The following RANBP17 variants were observed in gnomAD, a reference collection of about 807,000 sequenced individuals.
RANBP17 encodes RAN binding protein 17.
RANBP17 carries 158 observed loss-of-function variants against 141.2 expected under a neutral mutation model. The ratio of observed to expected loss-of-function variants is 1.12; its 90% confidence interval spans 0.98 to 1.28. The LOEUF (loss-of-function observed/expected upper bound fraction) is 1.28, where lower values mean the gene tolerates loss of function less well. RANBP17 is among the 50% of genes most tolerant of loss of function. The pLI is 0.00. For missense variants in RANBP17, 1,438 were observed against 1,290.7 expected, an observed-to-expected ratio of 1.11 and a Z score of -1.75; for synonymous variants, 430 against 450.0, an observed-to-expected ratio of 0.96 and a Z score of 0.56.
chr5:170,977,940 A>G (rs1490613061), intron 14 of RANBP17, among the ~76,000 whole-genome samples: 3 of 152,030 alleles, frequency 2.0e-5, no homozygotes, highest in African/African-American at 2.4e-5. Context: ...ATATCCATAG[A>G]AAAAAACACT....
chr5:170,957,107 A>ACACACACGCG (rs542213195), intron 13 of RANBP17, among the ~76,000 whole-genome samples: 5 of 150,534 alleles, frequency 3.3e-5, no homozygotes, highest in South Asian at 2.1e-4. Flanking sequence ...ACACACACAC[A>ACACACACGCG]CGCGCACACT....
Position 171,296,021 on chromosome 5 carries a change from A to G in RANBP17, c.3170+7A>G. ...CCGTCAAGAACAGAGACAGGTGAGC[A>G]TTGCCCAGTAGTGTGTCACTGGGGG... On this transcript the variant is annotated splice_region_variant and intron_variant, in intron 27 of 27. Coordinates refer to ENST00000523189, the MANE Select transcript of RANBP17 (RefSeq NM_022897.5). The G allele has an allele frequency of 1.2e-6, 2 of 1,612,690 alleles. No individual in the cohort carries two copies. Among genetic ancestry groups the G allele is most frequent in the Admixed American group, 1.7e-5 (1 of 59,960 alleles).
At chr5:170,997,128 C>G (rs1318702038) in intron 14 of RANBP17, among the ~76,000 whole-genome samples, 3 of 152,142 alleles carry the variant, frequency 2.0e-5, no homozygotes, top group African/African-American at 7.2e-5. Flanking sequence ...GTAGTTCCTG[C>G]TGCATTCATT....
intron 14 of RANBP17, among the ~76,000 whole-genome samples, chr5:171,086,166 A>G (rs1484960033): frequency 1.4e-5 from 2 of 141,110 alleles, no homozygotes; most frequent in Admixed American, 7.2e-5. Flanking sequence ...GAGAGTTTTT[A>G]GCATGAAGGG....
chr5:171,269,664 A>T (rs990303578), intron 25 of RANBP17, among the ~76,000 whole-genome samples: 1 of 152,100 alleles, frequency 6.6e-6, no homozygotes, highest in Admixed American at 6.5e-5. Flanking sequence ...TCATTTTCAC[A>T]CTCAGATGAA....
At chr5:170,933,430 C>T (rs1773573605) in intron 12 of RANBP17, among the ~76,000 whole-genome samples, 1 of 152,082 alleles carries the variant, frequency 6.6e-6, no homozygotes, top group South Asian at 2.1e-4. Context: ...CTGCTCTGAT[C>T]TTAGTTATTT....
At chr5:171,016,176 CTTTTTTT>C (rs377305717) in intron 14 of RANBP17, among the ~76,000 whole-genome samples, 1 of 109,106 alleles carries the variant, frequency 9.2e-6, no homozygotes, top group Admixed American at 9.2e-5. Context: ...GGGATCACTG[CTTTTTTT>C]TTTTTTTTTT....
At chr5:170,967,100 T>C (rs1416617960) in intron 13 of RANBP17, among the ~76,000 whole-genome samples, 2 of 152,074 alleles carry the variant, frequency 1.3e-5, no homozygotes, top group Non-Finnish European at 2.9e-5. Context: ...GTTAAGCAGC[T>C]TCAGAAGAGA....
intron 24 of RANBP17, among the ~76,000 whole-genome samples, chr5:171,245,065 C>G (rs1765132031): frequency 6.6e-6 from 1 of 151,674 alleles, no homozygotes; most frequent in Non-Finnish European, 1.5e-5. Flanking sequence ...GGAGGCGGAG[C>G]TTGCAGTGAG....
intron 14 of RANBP17, among the ~76,000 whole-genome samples, chr5:171,141,548 A>G (rs554459499): frequency 1.4e-4 from 19 of 136,760 alleles, no homozygotes; most frequent in African/African-American, 5.1e-4. Context: ...TGGAGTTTGC[A>G]GTGAGCCGAG....
At position 170,939,541 on chromosome 5, in the gene RANBP17, C is replaced by T. The variant is rs571693055; in HGVS notation, c.1469-14056C>T. 1.1e-3 allele frequency among the ~76,000 whole-genome samples: 173 copies of T among 151,950 alleles called. 1 individual carries two copies. Among genetic ancestry groups the T allele is most frequent in the African/African-American group, 3.8e-3 (158 of 41,454 alleles). On this transcript the variant is annotated intron_variant, in intron 12 of 27. Coordinates refer to ENST00000523189, the MANE Select transcript of RANBP17 (RefSeq NM_022897.5). ...CTGGGACTACAGTCATGCACCATGC[C>T]GGGCTAAATTTTTTGTATTGTTTTA...
At chr5:170,992,459 T>G (rs923859729) in intron 14 of RANBP17, among the ~76,000 whole-genome samples, 1 of 152,030 alleles carries the variant, frequency 6.6e-6, no homozygotes, top group African/African-American at 2.4e-5. Flanking sequence ...ATTTCATAAT[T>G]AATCAAGATA....
chr5:171,063,905 T>C (rs1784108136), intron 14 of RANBP17, among the ~76,000 whole-genome samples: 1 of 152,216 alleles, frequency 6.6e-6, no homozygotes. Flanking sequence ...GCCTTGCAGT[T>C]TGATCTCAGA....
At chr5:171,185,162 T>A (rs1761148177) in intron 18 of RANBP17, among the ~76,000 whole-genome samples, 1 of 152,122 alleles carries the variant, frequency 6.6e-6, no homozygotes, top group Non-Finnish European at 1.5e-5. Flanking sequence ...GAACTCCATC[T>A]CAAAAAACAA....
intron 14 of RANBP17, among the ~76,000 whole-genome samples, chr5:171,006,747 A>G (rs954813704): frequency 5.9e-5 from 9 of 151,774 alleles, no homozygotes; most frequent in Admixed American, 2.6e-4. Context: ...AAGTATTAAA[A>G]AAAAAAAAAA....
At chr5:170,881,365 C>A (rs1768672985) in intron 2 of RANBP17, among the ~76,000 whole-genome samples, 1 of 152,082 alleles carries the variant, frequency 6.6e-6, no homozygotes, top group Admixed American at 6.6e-5. Context: ...TATAGTCAGA[C>A]ATGGGTTTCA....
At chr5:170,862,890 A>G (rs1477974689) in intron 1 of RANBP17, among the ~76,000 whole-genome samples, 3 of 152,224 alleles carry the variant, frequency 2.0e-5, no homozygotes, top group African/African-American at 4.8e-5. Context: ...TGAAAAATGT[A>G]TGGTAGAAAT....
At chr5:171,277,637 G>GTGTA (rs1437482589) in intron 25 of RANBP17, among the ~76,000 whole-genome samples, 2,128 of 56,920 alleles carry the variant, frequency 0.037, 228 homozygotes, top group African/African-American at 0.056. Flanking sequence ...ATATATGTAT[G>GTGTA]TATATATATA....
chr5:171,259,864 C>G (rs998801394), intron 24 of RANBP17, among the ~76,000 whole-genome samples: 2 of 151,644 alleles, frequency 1.3e-5, no homozygotes, highest in African/African-American at 4.8e-5. Context: ...GCCTGTAATC[C>G]CAGCTACTCA....
Sources: allele counts gnomAD v4.1 joint callset (sites outside exome capture counted in the v4.1 genomes callset), GRCh38; gene constraint gnomAD v4.1.1; transcripts MANE v1.5; gene names NCBI Gene and HGNC (gene_info 2026-07-23, HGNC 2026-07-21).